Variants in MAP2K2 observed in about 807,000 individuals in gnomAD.
MAP2K2 encodes mitogen-activated protein kinase kinase 2.
MAP2K2 carries 24 observed loss-of-function variants against 43.7 expected under a neutral mutation model. That is an observed-to-expected ratio of 0.55 (90% confidence interval 0.40 to 0.77). The LOEUF (loss-of-function observed/expected upper bound fraction) is 0.77, where lower values mean the gene tolerates loss of function less well. Among genes scored for constraint, MAP2K2 ranks in the 30% least tolerant of loss-of-function variants. The pLI, the probability that MAP2K2 is intolerant of heterozygous loss-of-function variation, is 0.00. For missense variants in MAP2K2, 470 were observed against 566.8 expected, an observed-to-expected ratio of 0.83 and a Z score of 1.73; for synonymous variants, 244 against 239.7, an observed-to-expected ratio of 1.02 and a Z score of -0.17.
intron 2 of MAP2K2, among the ~76,000 whole-genome samples, chr19:4,116,566 C>A (rs1568263058): frequency 6.6e-6 from 1 of 152,190 alleles, no homozygotes; most frequent in East Asian, 1.9e-4. Context: ...CAGGGATACA[C>A]TGAGAAATCC....
chr19:4,106,543 G>A (rs758595171), intron 3 of MAP2K2, among the ~76,000 whole-genome samples: 10 of 152,090 alleles, frequency 6.6e-5, no homozygotes, highest in Non-Finnish European at 1.2e-4. Context: ...TGAGGAGCTG[G>A]GACTACAGGC....
At chr19:4,116,754 C>A (rs1032063785) in intron 2 of MAP2K2, among the ~76,000 whole-genome samples, 2 of 151,740 alleles carry the variant, frequency 1.3e-5, no homozygotes, top group Non-Finnish European at 2.9e-5. Flanking sequence ...ATGGCGAAAC[C>A]CTGCCTCTAC....
chr19:4,090,328 T>C lies in MAP2K2; in HGVS notation c.*270A>G. The C allele has an allele frequency of 1.7e-6, 1 of 577,154 alleles. No homozygotes were observed. The highest frequency in any genetic ancestry group is 2.0e-5 in the South Asian group (1 of 50,138). 35.8% of individuals were successfully genotyped at this position (577,154 alleles called of 1,614,324 possible). On this transcript the variant is annotated 3_prime_UTR_variant, in exon 11 of 11. Coordinates refer to ENST00000262948, the MANE Select transcript of MAP2K2 (RefSeq NM_030662.4). Reference sequence around the variant, plus strand: ...AGAAGCAGGATGGCGCGGTTTGCTTTTTCTCTCCCTGTTTTGTTTTGTAAC... The same window carrying C: ...AGAAGCAGGATGGCGCGGTTTGCTTCTTCTCTCCCTGTTTTGTTTTGTAAC...
rs2145069634 is a variant in MAP2K2, at chr19:4,110,527, G to T, written c.432C>A (p.Ser144Arg). ...YGAFYSDGEI[S>R]ICMEHMDGGS... ...CACTCACCATGTGTTCCATGCAAAT[G>T]CTGATCTCCCCGTCACTGTAGAAGG... The change falls in exon 3 of 11, where the codon AGC becomes AGA. Residue 144 changes from serine (S) to arginine (R), a missense_variant. Transcript: ENST00000262948. The T allele has an allele frequency of 6.2e-7, 1 of 1,613,736 alleles. No homozygotes were observed.
chr19:4,095,620 T>C (rs995032926), intron 8 of MAP2K2, among the ~76,000 whole-genome samples, 171 bp from the exon 9 acceptor site: 4 of 152,114 alleles, frequency 2.6e-5, no homozygotes, highest in African/African-American at 7.2e-5. Context: ...CCGAAAGCTC[T>C]CGTTTGAGAG....
At chr19:4,102,855 C>G in intron 3 of MAP2K2, 1 of 1,187,550 alleles carries the variant, frequency 8.4e-7, no homozygotes, top group South Asian at 1.6e-5. Context: ...GGCGGCCAGG[C>G]TGGAGACCAG....
chr19:4,114,044 G>A (rs2041189764), intron 2 of MAP2K2, among the ~76,000 whole-genome samples: 1 of 152,212 alleles, frequency 6.6e-6, no homozygotes, highest in Non-Finnish European at 1.5e-5. Flanking sequence ...TGTAATTCCA[G>A]TGCTTTGGGA....
chr19:4,105,164 G>GTGTA (rs2041069331), intron 3 of MAP2K2, among the ~76,000 whole-genome samples: 1 of 31,932 alleles, frequency 3.1e-5, no homozygotes, highest in Non-Finnish European at 1.9e-4. Flanking sequence ...CCGTGTGTGT[G>GTGTA]TGTGTGTGTG....
intron 3 of MAP2K2, among the ~76,000 whole-genome samples, chr19:4,109,499 C>T (rs932647178): frequency 1.3e-5 from 2 of 152,162 alleles, no homozygotes; most frequent in African/African-American, 2.4e-5. Context: ...AGTGCAGTGG[C>T]GTGACCAAAG....
At chr19:4,105,317 G>A (rs2041072572) in intron 3 of MAP2K2, among the ~76,000 whole-genome samples, 1 of 151,718 alleles carries the variant, frequency 6.6e-6, no homozygotes, top group Non-Finnish European at 1.5e-5. Context: ...TGCCCAGGCG[G>A]GGGTGCAGTG....
intron 7 of MAP2K2, among the ~76,000 whole-genome samples, chr19:4,098,007 G>A (rs2040945512): frequency 1.3e-5 from 2 of 152,318 alleles, no homozygotes; most frequent in Admixed American, 6.5e-5. Flanking sequence ...GGCTGGAGAG[G>A]AGGAGGTGGG....
At chr19:4,093,352 GCAC>G (rs762832166) in intron 10 of MAP2K2, among the ~76,000 whole-genome samples, 5 of 152,084 alleles carry the variant, frequency 3.3e-5, no homozygotes, top group Non-Finnish European at 5.9e-5. Flanking sequence ...AGCTACAATC[GCAC>G]CACTGCATTC....
intron 3 of MAP2K2, among the ~76,000 whole-genome samples, chr19:4,109,800 A>G (rs546750905): frequency 6.6e-6 from 1 of 152,170 alleles, no homozygotes; most frequent in African/African-American, 2.4e-5. Flanking sequence ...TTTTAATTGC[A>G]TCTACCCTGG....
At chr19:4,104,374 C>T (rs948388101) in intron 3 of MAP2K2, among the ~76,000 whole-genome samples, 1 of 150,048 alleles carries the variant, frequency 6.7e-6, no homozygotes, top group Non-Finnish European at 1.5e-5. Flanking sequence ...GAGACCATCC[C>T]GAGCCACACA....
At position 4,093,143 on chromosome 19, in the gene MAP2K2, G is replaced by C. The variant is rs2040870280; in HGVS notation, c.1092+1310C>G. The stretch of plus-strand genomic sequence containing the variant: ...TAAGACAGGAGAATTCCCTGAACCT[G>C]GGAGGCGGAGGTTGCAGTGAGCCGA... On this transcript the variant is annotated intron_variant, in intron 10 of 10. Transcript: ENST00000262948. 2.0e-5 allele frequency among the ~76,000 whole-genome samples: 3 copies of C among 152,148 alleles called. No homozygotes were observed. The South Asian group carries it at 6.2e-4, about 31-fold the overall frequency.
chr19:4,100,906 G>C, intron 6 of MAP2K2, 113 bp downstream of exon 6: 2 of 1,242,378 alleles, frequency 1.6e-6, no homozygotes, highest in South Asian at 1.3e-5. Context: ...AGCTGCGCAG[G>C]AGACATGGGG....
intron 2 of MAP2K2, among the ~76,000 whole-genome samples, chr19:4,114,280 T>C (rs1366278298): frequency 6.6e-6 from 1 of 152,148 alleles, no homozygotes; most frequent in African/African-American, 2.4e-5. Flanking sequence ...CCACACAGCC[T>C]CGGTTTCTTC....
Position 4,115,406 on chromosome 19 carries a change from G to T in MAP2K2, c.303+2013C>A, listed in dbSNP as rs1286475115. ...TTCATGTCCACTGCCCAGCCCATCA[G>T]GGACCACTGGAGGCTCCCCCAGAAG... is the stretch of plus-strand genomic sequence containing the variant. On this transcript the variant is annotated intron_variant, in intron 2 of 10. Coordinates refer to ENST00000262948, the MANE Select transcript of MAP2K2 (RefSeq NM_030662.4). The surrounding 1 kb of genome is among the most constrained non-coding windows in gnomAD (Gnocchi z 4.1). Among the ~76,000 whole-genome samples, 2 of 152,174 alleles carry T rather than the reference G, an allele frequency of 1.3e-5. No homozygotes were observed. The highest frequency in any genetic ancestry group is 4.8e-5 in the African/African-American group (2 of 41,440).
At chr19:4,116,496 C>G (rs908592337) in intron 2 of MAP2K2, among the ~76,000 whole-genome samples, 1 of 151,832 alleles carries the variant, frequency 6.6e-6, no homozygotes, top group South Asian at 2.1e-4. Context: ...CACCACTGCA[C>G]TCCAGCCAAT....
Sources: allele counts gnomAD v4.1 joint callset (sites outside exome capture counted in the v4.1 genomes callset), GRCh38; gene constraint gnomAD v4.1.1; non-coding constraint Gnocchi (gnomAD v3.1); transcripts MANE v1.5; gene names NCBI Gene and HGNC (gene_info 2026-07-23, HGNC 2026-07-21).